The following DHX57 variants were observed in gnomAD, a reference collection of about 807,000 sequenced individuals.
DHX57 encodes the protein DExH-box helicase 57.
DHX57 carries 105 observed loss-of-function variants against 156.2 expected under a neutral mutation model. The observed-to-expected ratio is 0.67, with a 90% CI of 0.57 to 0.79. DHX57 has a LOEUF of 0.79. Ranked by LOEUF, DHX57 falls within the 30% of genes least tolerant of loss-of-function variation. The pLI, the probability that DHX57 is intolerant of heterozygous loss-of-function variation, is 0.00. For synonymous variants in DHX57, 704 were observed against 595.6 expected (o/e 1.18, Z -2.65); for missense variants, 1,847 against 1,661.9 (o/e 1.11, Z -1.94).
At chr2:38,843,515 A>G (rs568305382) in intron 11 of DHX57, among the ~76,000 whole-genome samples, 1 of 152,072 alleles carries the variant, frequency 6.6e-6, no homozygotes, top group South Asian at 2.1e-4. Context: ...TTCATTTTTG[A>G]TTTTTCTTCA....
intron 22 of DHX57, among the ~76,000 whole-genome samples, chr2:38,804,636 A>C (rs1338362305): frequency 6.6e-6 from 1 of 150,672 alleles, no homozygotes; most frequent in African/African-American, 2.4e-5. Flanking sequence ...ACCCCTGCCT[A>C]CTCGTCCCCG....
At chr2:38,836,634 C>T (rs776154006) in intron 13 of DHX57, among the ~76,000 whole-genome samples, 4 of 151,810 alleles carry the variant, frequency 2.6e-5, no homozygotes, top group East Asian at 1.9e-4. Flanking sequence ...ATTAGCCAGG[C>T]GTGGAGGTGC....
At chr2:38,813,941 CT>C (rs763085866) in intron 20 of DHX57, 46 bp from the exon 21 acceptor site, 30 of 1,591,912 alleles carry the variant, frequency 1.9e-5, no homozygotes, top group South Asian at 3.3e-5. Flanking sequence ...ATGGCTATTT[CT>C]TTTTTTTCTT....
At chr2:38,842,857 T>G in intron 12 of DHX57, 148 bp downstream of exon 12, 1 of 794,116 alleles carries the variant, frequency 1.3e-6, no homozygotes, top group Non-Finnish European at 2.0e-6. Context: ...GTATCTGAAC[T>G]ATTTTTCTAG....
At chr2:38,818,531 C>G (rs936528580) in intron 19 of DHX57, among the ~76,000 whole-genome samples, 4 of 152,030 alleles carry the variant, frequency 2.6e-5, no homozygotes, top group African/African-American at 9.6e-5. Flanking sequence ...CTGTCACAAA[C>G]AAACAAGCAA....
At chr2:38,819,461 C>T (rs914888252) in intron 17 of DHX57, among the ~76,000 whole-genome samples, 4 of 152,238 alleles carry the variant, frequency 2.6e-5, no homozygotes, top group African/African-American at 9.6e-5. Context: ...TAGGCATGAG[C>T]CACCACACCA....
chr2:38,813,039 G>C (rs938286786), intron 21 of DHX57, among the ~76,000 whole-genome samples: 5 of 151,612 alleles, frequency 3.3e-5, no homozygotes, highest in Non-Finnish European at 7.4e-5. Flanking sequence ...GTAGATACAG[G>C]GTTTCACCAT....
chr2:38,853,257 A>C (rs1672703028), intron 9 of DHX57: 1 of 150,216 alleles, frequency 6.7e-6, no homozygotes, highest in East Asian at 2.0e-4. Context: ...TCCCCAGTAG[A>C]ATGACTACTG....
chr2:38,837,948 C>G lies in DHX57; in HGVS notation c.2426-1G>C. 1 of 1,592,326 alleles carries G rather than the reference C, an allele frequency of 6.3e-7. No homozygotes were observed. The highest frequency in any genetic ancestry group is 8.6e-7 in the Non-Finnish European group (1 of 1,160,664). On this transcript the variant is annotated splice_acceptor_variant, in intron 12 of 23. Transcript: ENST00000457308. LOFTEE classifies it high-confidence loss of function. ...GTTTTGATGACTGACTTGCTAACCC[C>G]TGAAAGAAAGAAAGGTAAAAATGAG... is the stretch of plus-strand genomic sequence containing the variant.
chr2:38,824,261 A>G (rs2148561098), intron 16 of DHX57, among the ~76,000 whole-genome samples: 1 of 152,348 alleles, frequency 6.6e-6, no homozygotes, highest in African/African-American at 2.4e-5. Flanking sequence ...CCAGTCACAA[A>G]AAGACAAATG....
chr2:38,810,277 T>C (rs1391919424), intron 21 of DHX57, among the ~76,000 whole-genome samples: 1 of 151,646 alleles, frequency 6.6e-6, no homozygotes, highest in African/African-American at 2.4e-5. Flanking sequence ...TTGATGACCA[T>C]TTCAGGGGGA....
intron 5 of DHX57, among the ~76,000 whole-genome samples, chr2:38,859,325 G>C (rs1673064013): frequency 6.6e-6 from 1 of 152,146 alleles, no homozygotes; most frequent in Non-Finnish European, 1.5e-5. Flanking sequence ...TCCAGAGTAG[G>C]CAAATCCATA....
intron 13 of DHX57, among the ~76,000 whole-genome samples, chr2:38,830,795 C>A (rs915073508): frequency 6.6e-6 from 1 of 152,132 alleles, no homozygotes; most frequent in Admixed American, 6.5e-5. Context: ...TGCTAAAATG[C>A]CACAAAATTT....
Position 38,798,325 on chromosome 2 carries a change from T to C in DHX57, c.4135A>G (p.Ile1379Val). 1 of 1,613,536 alleles carries C rather than the reference T, an allele frequency of 6.2e-7. No homozygotes were observed. The highest frequency in any genetic ancestry group is 2.2e-5 in the East Asian group (1 of 44,878). ...CPRGSRIISTIVKLVTTQ is the reference protein window; with the variant it reads ...CPRGSRIISTVVKLVTTQ ...TATTGTGTGGTGACAAGTTTCACAA[T>C]TGTGCTGATGATCCGGGATCCTCGA... is the stretch of plus-strand genomic sequence containing the variant. The change falls in exon 24 of 24, where the codon ATT becomes GTT. Residue 1379 changes from isoleucine to valine, a missense_variant. Physicochemically the swap from Ile to Val is conservative, Grantham distance 29. Transcript: ENST00000457308.
At position 38,861,229 on chromosome 2, in the gene DHX57, T is replaced by C; in HGVS notation, c.1181A>G (p.Tyr394Cys). 1.2e-6 allele frequency: 2 copies of C among 1,614,148 alleles called. No homozygotes were observed. The highest frequency in any genetic ancestry group is 1.1e-5 in the South Asian group (1 of 91,084). The change falls in exon 5 of 24, where the codon TAT (tyrosine) becomes TGT (cysteine). Residue 394 changes from tyrosine (Y) to cysteine (C), a missense_variant. Transcript: ENST00000457308. ...ACRLHISEFL[Y>C]DKALTFAETS... ...TTCCGCAAATGTCAAGGCCTTGTCA[T>C]AAAGAAACTCAGAAATATGTAAACG...
chr2:38,854,235 T>C (rs1672763572), intron 8 of DHX57, 57 bp from the exon 9 acceptor site: 1 of 1,570,842 alleles, frequency 6.4e-7, no homozygotes, highest in African/African-American at 1.4e-5. Context: ...AAAGGAAACA[T>C]TACTGGAAAG....
rs748395705 is a variant in DHX57, at chr2:38,813,913, CATTA to C, written c.3607-22_3607-19del. On this transcript the variant is annotated intron_variant, in intron 20 of 23. Coordinates refer to ENST00000457308, the MANE Select transcript of DHX57 (RefSeq NM_198963.3). ...GAGTTTGCCTATGAGAAAAGCACAG[CATTA>C]ATTAACAAGTGATATGGCTATTTCT... 4 of 1,610,594 alleles carry C rather than the reference CATTA, an allele frequency of 2.5e-6. No individual in the cohort carries two copies. Among genetic ancestry groups the C allele is most frequent in the Non-Finnish European group, 3.4e-6 (4 of 1,177,606 alleles).
chr2:38,816,766 G>A (rs557991499), intron 19 of DHX57, among the ~76,000 whole-genome samples: 8 of 152,108 alleles, frequency 5.3e-5, no homozygotes, highest in South Asian at 2.1e-4. Context: ...TAAATATACC[G>A]CAGTTTCTAT....
chr2:38,801,771 A>G (rs1572610029), intron 23 of DHX57, among the ~76,000 whole-genome samples: 1 of 152,012 alleles, frequency 6.6e-6, no homozygotes, highest in East Asian at 1.9e-4. Context: ...ATTTTTTAAA[A>G]TTTTTAGTAG....
Sources: allele counts gnomAD v4.1 joint callset (sites outside exome capture counted in the v4.1 genomes callset), GRCh38; gene constraint gnomAD v4.1.1; transcripts MANE v1.5; gene names NCBI Gene and HGNC (gene_info 2026-07-23, HGNC 2026-07-21).